The following ZNF331 variants were observed in gnomAD, a reference collection of about 807,000 sequenced individuals.
The protein encoded by ZNF331 is zinc finger protein 331.
Under a neutral mutation model 7.0 loss-of-function variants are expected in ZNF331, and 2 were observed. That is an observed-to-expected ratio of 0.29 (90% CI 0.12 to 0.90). The LOEUF (loss-of-function observed/expected upper bound fraction) is 0.90, where lower values mean the gene tolerates loss of function less well. ZNF331 is among the 40% of genes least tolerant of loss of function. The pLI is 0.58. For synonymous variants in ZNF331, 196 were observed against 205.4 expected, an observed-to-expected ratio of 0.95 and a Z score of 0.39; for missense variants, 432 against 587.7, an observed-to-expected ratio of 0.74 and a Z score of 2.74.
intron 2 of ZNF331, among the ~76,000 whole-genome samples, chr19:53,531,446 A>G (rs2708815): frequency 0.26 from 39,742 of 151,902 alleles, 6,106 homozygotes; most frequent in African/African-American, 0.43. Context: ...TAAGAATCTG[A>G]TGATATAGAA....
At chr19:53,553,667 G>T (rs1018563344) in intron 2 of ZNF331, among the ~76,000 whole-genome samples, 4 of 152,180 alleles carry the variant, frequency 2.6e-5, no homozygotes, top group Non-Finnish European at 5.9e-5. Context: ...ATGAGAGCGG[G>T]ACTAACTGGG....
Position 53,578,211 on chromosome 19 carries a change from G to A in ZNF331, c.*259G>A. 1 of 439,464 alleles carries A rather than the reference G, an allele frequency of 2.3e-6. No individual in the cohort carries two copies. The highest frequency in any genetic ancestry group is 3.0e-5 in the South Asian group (1 of 33,642). The allele number at this position is 439,464 out of a possible 1,614,324, so 27.2% of individuals were successfully genotyped here. ...CACCCACCCTGCTAGTGACTTAGTA[G>A]CCGTCTTGGTGATCAGATCAACTAT... On this transcript the variant is annotated 3_prime_UTR_variant, in exon 6 of 6. Coordinates refer to ENST00000449416, the MANE Select transcript of ZNF331 (RefSeq NM_001079906.2).
chr19:53,541,488 G>A (rs1158770345), intron 2 of ZNF331, among the ~76,000 whole-genome samples: 1 of 152,054 alleles, frequency 6.6e-6, no homozygotes, highest in Non-Finnish European at 1.5e-5. Context: ...TGCCCATGCT[G>A]GAGTGCAGTG....
At chr19:53,529,323 C>T (rs2087436625) in intron 2 of ZNF331, among the ~76,000 whole-genome samples, 1 of 151,606 alleles carries the variant, frequency 6.6e-6, no homozygotes, top group Admixed American at 6.6e-5. Context: ...TGGCGTGAAC[C>T]CGGGAGGTGG....
rs111065711 is a variant in ZNF331 at position 53,559,826 on chromosome 19, G to A, written c.-74+3918G>A. Among the ~76,000 whole-genome samples, 380 of 147,600 alleles carry A rather than the reference G, an allele frequency of 2.6e-3. 1 individual carries two copies. Among genetic ancestry groups the A allele is most frequent in the African/African-American group, 8.8e-3 (351 of 39,732 alleles). On this transcript the variant is annotated intron_variant, in intron 3 of 5. Transcript: ENST00000449416. ...TACATATATACACACCATAACACAC[G>A]TATATACATATATACATATACACAT...
rs969689732 is a variant in ZNF331, at chr19:53,571,276, G to T, written c.10-328G>T. ...AAAAATGCTGTAGGAATCCACACTTGTTGAGAACTTATAAGGCAGGCACGT... is the reference window on the plus strand; with the variant it reads ...AAAAATGCTGTAGGAATCCACACTTTTTGAGAACTTATAAGGCAGGCACGT... On this transcript the variant is annotated intron_variant, in intron 4 of 5. Transcript: ENST00000449416. This position sits in a 1 kb window ranked among gnomAD's most constrained non-coding sequence, Gnocchi z 4.7. 6.6e-6 allele frequency among the ~76,000 whole-genome samples: 1 copy of T among 152,170 alleles called. No homozygotes were observed. Among genetic ancestry groups the T allele is most frequent in the African/African-American group, 2.4e-5 (1 of 41,434 alleles).
the ZNF331 span, among the ~76,000 whole-genome samples, chr19:53,505,682 T>C: frequency 6.6e-6 from 1 of 152,296 alleles, no homozygotes; most frequent in Non-Finnish European, 1.5e-5. Context: ...TGCTGGATGG[T>C]GCAATGCTAA....
Position 53,571,507 on chromosome 19 carries a change from C to A in ZNF331, c.10-97C>A. The A allele has an allele frequency of 6.6e-7, 1 of 1,505,278 alleles. No homozygotes were observed. The highest frequency in any genetic ancestry group is 9.0e-7 in the Non-Finnish European group (1 of 1,108,230). 93.2% of individuals were successfully genotyped at this position (1,505,278 alleles called of 1,614,324 possible). On this transcript the variant is annotated intron_variant, in intron 4 of 5. Transcript: ENST00000449416. This position sits in a 1 kb window ranked among gnomAD's most constrained non-coding sequence, Gnocchi z 4.7. ...CGATGTCACGGGTGTTCAGTCTGCT[C>A]ACGGTGTTCACCCTACCCAGAGGGT...
At chr19:53,507,538 G>A in the ZNF331 span, among the ~76,000 whole-genome samples, 1 of 152,162 alleles carries the variant, frequency 6.6e-6, no homozygotes, top group Non-Finnish European at 1.5e-5. Flanking sequence ...CTGAAGCAAA[G>A]CTATGGCATT....
chr19:53,551,172 T>C (rs1040718184), intron 2 of ZNF331, among the ~76,000 whole-genome samples: 1 of 152,150 alleles, frequency 6.6e-6, no homozygotes, highest in African/African-American at 2.4e-5. Flanking sequence ...TTTCACTCCT[T>C]ATAACGGGAT....
In ZNF331 at chr19:53,571,873, G is replaced by A. The variant is rs1016516754; in HGVS notation, c.136+143G>A. 8.4e-6 allele frequency: 9 copies of A among 1,076,086 alleles called. No individual in the cohort carries two copies. Among genetic ancestry groups the A allele is most frequent in the Admixed American group, 2.9e-5 (1 of 33,940 alleles). The allele number at this position is 1,076,086 out of a possible 1,614,324, so 66.7% of individuals were successfully genotyped here. A position where few individuals can be genotyped will look rare whatever the true frequency, so the allele number is the denominator to read the frequency against. On this transcript the variant is annotated intron_variant, in intron 5 of 5. Transcript: ENST00000449416. This position sits in a 1 kb window ranked among gnomAD's most constrained non-coding sequence, Gnocchi z 4.7. ...TGTATTGAGCCTTATTGATGTGGCC[G>A]TGAGCACCACAACCTTCCCCTCCCA...
intron 2 of ZNF331, among the ~76,000 whole-genome samples, chr19:53,523,930 C>T (rs912611235): frequency 2.0e-5 from 3 of 152,104 alleles, no homozygotes; most frequent in Admixed American, 6.6e-5. Context: ...CCAACTCCGA[C>T]GGGCCCTGGT....
At chr19:53,568,243 CAAAA>C (rs543201090) in intron 3 of ZNF331, among the ~76,000 whole-genome samples, 2 of 92,628 alleles carry the variant, frequency 2.2e-5, no homozygotes, top group Admixed American at 1.2e-4. Context: ...AGACTCCGTT[CAAAA>C]AAAAAAAAAA....
Position 53,547,564 on chromosome 19 carries a change from C to T in ZNF331, c.-137-8281C>T, listed in dbSNP as rs141847519. Among the ~76,000 whole-genome samples, 70 of 152,262 alleles carry T rather than the reference C, an allele frequency of 4.6e-4. No homozygotes were observed. In the South Asian group the frequency reaches 7.1e-3, roughly 15 times the overall value. On this transcript the variant is annotated intron_variant, in intron 2 of 5. Transcript: ENST00000449416. ...ATATATACCCAGAGTGGGATTGCTG[C>T]GTCATCTGATAGTTTTAGTTTTTTC...
the ZNF331 span, among the ~76,000 whole-genome samples, chr19:53,514,210 T>C: frequency 2.2e-4 from 33 of 152,166 alleles, no homozygotes; most frequent in African/African-American, 7.2e-4. Context: ...TTTCTCTGTT[T>C]TTTTTTGAGA....
Position 53,571,842 on chromosome 19 carries a change from A to G in ZNF331, c.136+112A>G. 1 of 1,411,014 alleles carries G rather than the reference A, an allele frequency of 7.1e-7. No individual in the cohort carries two copies. Among genetic ancestry groups the G allele is most frequent in the Non-Finnish European group, 9.6e-7 (1 of 1,046,704 alleles). The allele number at this position is 1,411,014 out of a possible 1,614,324, so 87.4% of individuals were successfully genotyped here. The stretch of plus-strand genomic sequence containing the variant: ...AGTTGAATTTCTTCTTCCTGTCCCC[A>G]AGGAATGTATTGAGCCTTATTGATG... On this transcript the variant is annotated intron_variant, in intron 5 of 5. Coordinates refer to ENST00000449416, the MANE Select transcript of ZNF331 (RefSeq NM_001079906.2). This position sits in a 1 kb window ranked among gnomAD's most constrained non-coding sequence, Gnocchi z 4.7.
chr19:53,530,276 AGGC>A (rs2087483206), intron 2 of ZNF331, among the ~76,000 whole-genome samples: 1 of 134,900 alleles, frequency 7.4e-6, no homozygotes, highest in Non-Finnish European at 1.7e-5. Flanking sequence ...ACCTCCCACC[AGGC>A]CGCACCTCCA....
At chr19:53,570,763 C>T (rs1045179369) in intron 4 of ZNF331, among the ~76,000 whole-genome samples, 3 of 152,000 alleles carry the variant, frequency 2.0e-5, no homozygotes, top group Non-Finnish European at 4.4e-5. Flanking sequence ...AACCCCCAAC[C>T]TCAGGTGATC....
At chr19:53,518,937 G>A (rs2086972062), upstream of ZNF331, among the ~76,000 whole-genome samples, 1 of 152,242 alleles carries the variant, frequency 6.6e-6, no homozygotes, top group Non-Finnish European at 1.5e-5. Flanking sequence ...GGGGAGGACA[G>A]ATGGTGGAAG....
Sources: allele counts gnomAD v4.1 joint callset (sites outside exome capture counted in the v4.1 genomes callset), GRCh38; gene constraint gnomAD v4.1.1; non-coding constraint Gnocchi (gnomAD v3.1); transcripts MANE v1.5; gene names NCBI Gene and HGNC (gene_info 2026-07-23, HGNC 2026-07-21).